The following SRPK1 variants were observed in gnomAD, a reference collection of about 807,000 sequenced individuals.
The protein encoded by SRPK1 is SRSF protein kinase 1.
Under a neutral mutation model 89.5 loss-of-function variants are expected in SRPK1, and 52 were observed. The ratio of observed to expected loss-of-function variants is 0.58; its 90% CI spans 0.46 to 0.73. The LOEUF is 0.73. Ranked by LOEUF, SRPK1 falls within the 30% of genes least tolerant of loss-of-function variation. The pLI, the probability that SRPK1 is intolerant of heterozygous loss-of-function variation, is 0.00. For synonymous variants in SRPK1, 255 were observed against 270.2 expected, an observed-to-expected ratio of 0.94 and a Z score of 0.55; for missense variants, 603 against 780.6, an observed-to-expected ratio of 0.77 and a Z score of 2.71.
chr6:35,856,961 A>C (rs140667293), intron 13 of SRPK1: 289 of 268,640 alleles, frequency 1.1e-3, no homozygotes, highest in African/African-American at 5.8e-3. Flanking sequence ...AGATACTTGT[A>C]ATCTCCTAAT....
At chr6:35,877,527 G>A (rs966991360) in intron 6 of SRPK1, among the ~76,000 whole-genome samples, 1 of 152,120 alleles carries the variant, frequency 6.6e-6, no homozygotes, top group African/African-American at 2.4e-5. Context: ...ATTAAGTAGA[G>A]ACATGAAAAG....
intron 13 of SRPK1, among the ~76,000 whole-genome samples, chr6:35,846,862 T>C (rs1190484719): frequency 6.6e-6 from 1 of 152,186 alleles, no homozygotes; most frequent in African/African-American, 2.4e-5. Flanking sequence ...CAGCAATCTG[T>C]CTCAAACTGC....
chr6:35,871,319 G>A (rs1468216224), intron 8 of SRPK1, among the ~76,000 whole-genome samples: 1 of 152,168 alleles, frequency 6.6e-6, no homozygotes. Flanking sequence ...TTTAAAAGGG[G>A]AGTCTAGGTG....
intron 13 of SRPK1, among the ~76,000 whole-genome samples, chr6:35,853,551 C>A (rs1269575768): frequency 6.6e-6 from 1 of 152,064 alleles, no homozygotes. Flanking sequence ...TAATCTTTCC[C>A]TTGATTAGTA....
In SRPK1 at chr6:35,833,591, C is replaced by G. The variant is rs1390245573; in HGVS notation, c.*1713G>C. The G allele has an allele frequency of 6.6e-6, 1 of 152,646 alleles. No homozygotes were observed. Among genetic ancestry groups the G allele is most frequent in the Non-Finnish European group, 1.5e-5 (1 of 68,050 alleles). 9.5% of individuals were successfully genotyped at this position (152,646 alleles called of 1,614,324 possible). A position where few individuals can be genotyped will look rare whatever the true frequency, so the allele number is the denominator to read the frequency against. ...CTTGATAGGTGCATAGAAAGCCTAA[C>G]TTAAAATTCTTTCTACAGGAACATG... On this transcript the variant is annotated 3_prime_UTR_variant, in exon 16 of 16. Transcript: ENST00000373825.
At chr6:35,889,642 A>G (rs1166401035) in intron 3 of SRPK1, among the ~76,000 whole-genome samples, 1 of 152,024 alleles carries the variant, frequency 6.6e-6, no homozygotes, top group African/African-American at 2.4e-5. Flanking sequence ...AAAATTGGCC[A>G]GTGTCATGGT....
chr6:35,919,241 C>T (rs1297559199), intron 2 of SRPK1, among the ~76,000 whole-genome samples: 1 of 152,196 alleles, frequency 6.6e-6, no homozygotes, highest in Non-Finnish European at 1.5e-5. Flanking sequence ...TTACAAAATA[C>T]ATTTCATAAG....
chr6:35,914,766 C>T lies in SRPK1; in HGVS notation c.74+5702G>A, dbSNP rs369574372. Among the ~76,000 whole-genome samples the T allele has an allele frequency of 3.9e-5, 6 of 152,128 alleles. No individual in the cohort carries two copies. In the East Asian group the frequency reaches 7.7e-4, roughly 20 times the overall value. On this transcript the variant is annotated intron_variant, in intron 2 of 15. Coordinates refer to ENST00000373825, the MANE Select transcript of SRPK1 (RefSeq NM_003137.5). ...TTGGGACAGGGTGGGAGATCAAAAA[C>T]TATTTGTTTAATGAATAAGAGTTAA...
At chr6:35,849,972 C>T (rs1769518436) in intron 13 of SRPK1, among the ~76,000 whole-genome samples, 1 of 152,116 alleles carries the variant, frequency 6.6e-6, no homozygotes, top group African/African-American at 2.4e-5. Flanking sequence ...AAGACAAATA[C>T]TGCAACACTC....
At chr6:35,889,778 T>C (rs749429573) in intron 3 of SRPK1, among the ~76,000 whole-genome samples, 18 of 141,038 alleles carry the variant, frequency 1.3e-4, no homozygotes, top group Non-Finnish European at 2.6e-4. Context: ...AGCCAGACTC[T>C]GTCTCAAAAA....
chr6:35,839,579 C>T (rs1218001276), intron 14 of SRPK1, among the ~76,000 whole-genome samples: 1 of 151,966 alleles, frequency 6.6e-6, no homozygotes, highest in African/African-American at 2.4e-5. Context: ...GCCTCTTAAC[C>T]AGGAGGTGAG....
intron 12 of SRPK1, among the ~76,000 whole-genome samples, chr6:35,860,202 TC>T (rs1349773347): frequency 6.6e-6 from 1 of 152,104 alleles, no homozygotes; most frequent in African/African-American, 2.4e-5. Context: ...TGAATGTTTG[TC>T]CCCTTTGAAA....
chr6:35,909,526 G>A (rs915311058), intron 2 of SRPK1, among the ~76,000 whole-genome samples: 16 of 152,196 alleles, frequency 1.1e-4, no homozygotes, highest in Admixed American at 2.6e-4. Flanking sequence ...TTAAGACTTT[G>A]GGGGATAGTT....
Position 35,880,740 on chromosome 6 carries a change from AAAAAAAAAAAGAAAAG to A in SRPK1, c.478+5968_478+5983del, listed in dbSNP as rs1382618433. On this transcript the variant is annotated intron_variant, in intron 6 of 15. Coordinates refer to ENST00000373825, the MANE Select transcript of SRPK1 (RefSeq NM_003137.5). ...ATCTCAAAAAAAAAAAAAAAGAAAA[AAAAAAAAAAAGAAAAG>A]AAAAGAAGAAGAAATGGCCAGACAG... 3.3e-4 allele frequency among the ~76,000 whole-genome samples: 37 copies of A among 112,922 alleles called. 1 individual carries two copies. The highest frequency in any genetic ancestry group is 1.8e-3 in the Admixed American group (20 of 11,070). 74.1% of individuals were successfully genotyped at this position (112,922 alleles called of 152,430 possible).
At position 35,891,027 on chromosome 6, in the gene SRPK1, C is replaced by CA; in HGVS notation, c.75-15dup. 6.5e-7 allele frequency: 1 copy of CA among 1,543,314 alleles called. No individual in the cohort carries two copies. Among genetic ancestry groups the CA allele is most frequent in the Non-Finnish European group, 8.7e-7 (1 of 1,144,258 alleles). On this transcript the variant is annotated splice_polypyrimidine_tract_variant and intron_variant, in intron 2 of 15. Transcript: ENST00000373825. ...TGAGTTTCAGATCTAAGAAATGATACAAAAATGCCCATTCCATTTGGACAG... is the reference window on the plus strand; with the variant it reads ...TGAGTTTCAGATCTAAGAAATGATACAAAAAATGCCCATTCCATTTGGACAG...
At chr6:35,920,350 G>T in intron 2 of SRPK1, 118 bp downstream of exon 2, 2 of 1,080,644 alleles carry the variant, frequency 1.9e-6, no homozygotes, top group Non-Finnish European at 1.4e-6. Context: ...CTGCCCCGAG[G>T]CCATGTGGCT....
intron 3 of SRPK1, 130 bp from the exon 4 acceptor site, chr6:35,889,053 C>A: frequency 1.8e-6 from 1 of 570,280 alleles, no homozygotes; most frequent in Non-Finnish European, 3.1e-6. Context: ...TTTATACAAT[C>A]AATTCAACAG....
chr6:35,870,000 C>G (rs1464365804), intron 10 of SRPK1, 99 bp from the exon 11 acceptor site: 7 of 1,326,820 alleles, frequency 5.3e-6, no homozygotes, highest in Non-Finnish European at 7.1e-6. Flanking sequence ...AGAACTTATA[C>G]TGAGTGACAT....
chr6:35,854,010 G>C (rs545746658), intron 13 of SRPK1, among the ~76,000 whole-genome samples: 5 of 151,952 alleles, frequency 3.3e-5, no homozygotes, highest in Admixed American at 3.3e-4. Context: ...GGGTGCAGTG[G>C]TGTGATCTCA....
Sources: gnomAD v4.1 joint callset for allele counts (sites outside exome capture counted in the v4.1 genomes callset) on GRCh38, gnomAD v4.1.1 for gene constraint, MANE v1.5 for transcripts, NCBI Gene and HGNC (gene_info 2026-07-23, HGNC 2026-07-21) for gene names.